Variants in AGBL4 observed in about 807,000 individuals in gnomAD.
The protein encoded by AGBL4 is cytosolic carboxypeptidase 6.
In AGBL4, 58 loss-of-function variants were observed where a neutral mutation model predicts 66.4. That is an observed-to-expected ratio of 0.87 (90% CI 0.71 to 1.09). AGBL4 has a LOEUF of 1.09. Among genes scored for constraint, AGBL4 ranks in the 50% least tolerant of loss-of-function variants. The probability of loss-of-function intolerance (pLI) is 0.00; values close to 1 mark genes in which losing one functional copy is unlikely to be tolerated. For synonymous variants in AGBL4, 234 were observed against 222.9 expected, an observed-to-expected ratio of 1.05 and a Z score of -0.44; for missense variants, 579 against 631.0, an observed-to-expected ratio of 0.92 and a Z score of 0.88.
At chr1:48,529,285 C>T (rs1569634888), downstream of AGBL4, among the ~76,000 whole-genome samples, 1 of 151,858 alleles carries the variant, frequency 6.6e-6, no homozygotes, top group African/African-American at 2.4e-5. Context: ...AGCTTTGGCT[C>T]TAGAGAAGGG....
chr1:49,619,969 T>C (rs907258341), intron 3 of AGBL4, among the ~76,000 whole-genome samples: 5 of 152,092 alleles, frequency 3.3e-5, no homozygotes, highest in African/African-American at 1.2e-4. Flanking sequence ...CAAAAATTAA[T>C]TCAAGATGGG....
intron 3 of AGBL4, among the ~76,000 whole-genome samples, chr1:49,353,757 C>T (rs1054836846): frequency 1.3e-5 from 2 of 152,046 alleles, no homozygotes; most frequent in Admixed American, 6.6e-5. Context: ...GGCGGCAGAG[C>T]GGCACAGCAG....
intron 6 of AGBL4, among the ~76,000 whole-genome samples, chr1:48,769,559 ACACACACACAC>A (rs1361148305): frequency 3.4e-5 from 5 of 147,450 alleles, no homozygotes; most frequent in East Asian, 4.1e-4. Flanking sequence ...ACACACACAC[ACACACACACAC>A]AAGTTAAATT....
chr1:48,595,813 C>T (rs540471197), intron 9 of AGBL4, among the ~76,000 whole-genome samples: 1 of 152,294 alleles, frequency 6.6e-6, no homozygotes, highest in Admixed American at 6.5e-5. Context: ...AGGCCAAAAC[C>T]TGAGCTTGGT....
chr1:49,631,443 C>A (rs1025361997), intron 3 of AGBL4, among the ~76,000 whole-genome samples: 1 of 152,258 alleles, frequency 6.6e-6, no homozygotes, highest in African/African-American at 2.4e-5. Flanking sequence ...TAGCTAACTC[C>A]ACAGTCCTTG....
intron 5 of AGBL4, among the ~76,000 whole-genome samples, chr1:48,999,129 G>A (rs1661218371): frequency 6.6e-6 from 1 of 152,198 alleles, no homozygotes; most frequent in Non-Finnish European, 1.5e-5. Flanking sequence ...TCTGATAAAA[G>A]TGCTACAGTC....
At chr1:48,936,338 G>T (rs986191379) in intron 5 of AGBL4, among the ~76,000 whole-genome samples, 3 of 152,044 alleles carry the variant, frequency 2.0e-5, no homozygotes, top group Non-Finnish European at 4.4e-5. Context: ...ACAGTTTCTC[G>T]GTATCCTTCC....
At chr1:49,466,274 C>A (rs376740472) in intron 3 of AGBL4, among the ~76,000 whole-genome samples, 1 of 151,858 alleles carries the variant, frequency 6.6e-6, no homozygotes, top group Non-Finnish European at 1.5e-5. Context: ...AAGCTACTAC[C>A]ATTCATAGGC....
chr1:48,883,793 G>A (rs1283254929), intron 5 of AGBL4, among the ~76,000 whole-genome samples: 1 of 152,156 alleles, frequency 6.6e-6, no homozygotes, highest in African/African-American at 2.4e-5. Context: ...TAAATAGCTG[G>A]TGGCTTAAGA....
chr1:49,335,862 G>A (rs550548383), intron 3 of AGBL4, among the ~76,000 whole-genome samples: 1 of 152,148 alleles, frequency 6.6e-6, no homozygotes, highest in East Asian at 1.9e-4. Flanking sequence ...ATGATATCTG[G>A]CCTTGTGTAA....
At chr1:50,006,082 G>C (rs1661104942) in intron 1 of AGBL4, among the ~76,000 whole-genome samples, 1 of 152,246 alleles carries the variant, frequency 6.6e-6, no homozygotes. Flanking sequence ...GCTCACGCCT[G>C]TAATCTCAGC....
intron 2 of AGBL4, among the ~76,000 whole-genome samples, chr1:49,774,139 C>T (rs998013780): frequency 6.6e-6 from 1 of 152,190 alleles, no homozygotes; most frequent in African/African-American, 2.4e-5. Context: ...CCGGGGAATG[C>T]ACCTGTGTGT....
chr1:48,910,759 T>C (rs1016434534), intron 5 of AGBL4, among the ~76,000 whole-genome samples: 12 of 152,160 alleles, frequency 7.9e-5, no homozygotes, highest in African/African-American at 2.4e-5. Flanking sequence ...GTGGCCGTAA[T>C]TGCTGCTTGT....
chr1:49,308,302 T>C (rs1217548756), intron 3 of AGBL4, among the ~76,000 whole-genome samples: 1 of 152,164 alleles, frequency 6.6e-6, no homozygotes, highest in Admixed American at 6.6e-5. Context: ...GATTGTACTA[T>C]ATACAAATCT....
chr1:48,776,596 G>T (rs748167950), intron 6 of AGBL4: 22 of 1,149,636 alleles, frequency 1.9e-5, no homozygotes, highest in South Asian at 1.8e-4. Context: ...CTCCCCGCCC[G>T]CTTGCTCACC....
At chr1:49,281,538 C>T (rs1644272357) in intron 3 of AGBL4, among the ~76,000 whole-genome samples, 1 of 152,188 alleles carries the variant, frequency 6.6e-6, no homozygotes. Context: ...AAGGTGTTAG[C>T]AGTCAATGTC....
intron 4 of AGBL4, among the ~76,000 whole-genome samples, chr1:49,117,764 T>A (rs1162442674): frequency 6.6e-6 from 1 of 152,164 alleles, no homozygotes; most frequent in African/African-American, 2.4e-5. Flanking sequence ...AAGAAAGTCA[T>A]TGGTAGCTTG....
chr1:49,115,374 G>C (rs1232683266), intron 4 of AGBL4, among the ~76,000 whole-genome samples: 2 of 152,144 alleles, frequency 1.3e-5, no homozygotes, highest in Non-Finnish European at 2.9e-5. Context: ...TGTAGTTTTA[G>C]GAACGGAAAA....
At chr1:49,003,399 A>C (rs1209172308) in intron 5 of AGBL4, among the ~76,000 whole-genome samples, 2 of 151,962 alleles carry the variant, frequency 1.3e-5, no homozygotes, top group African/African-American at 4.8e-5. Flanking sequence ...ACTCTATCTC[A>C]AAAAAATAAA....
Sources: gnomAD v4.1 joint callset for allele counts (sites outside exome capture counted in the v4.1 genomes callset) on GRCh38, gnomAD v4.1.1 for gene constraint, MANE v1.5 for transcripts, NCBI Gene and HGNC (gene_info 2026-07-23, HGNC 2026-07-21) for gene names.